PRKN: variants seen among roughly 807,000 people sequenced by gnomAD.
The protein encoded by PRKN is parkin RBR E3 ubiquitin protein ligase.
PRKN carries 56 observed loss-of-function variants against 59.5 expected under a neutral mutation model. That is an observed-to-expected ratio of 0.94 (90% CI 0.76 to 1.18). The LOEUF (loss-of-function observed/expected upper bound fraction) is 1.18. Among genes scored for constraint, PRKN ranks in the 50% most tolerant of loss-of-function variants. The pLI, the probability that PRKN is intolerant of heterozygous loss-of-function variation, is 0.00. For synonymous variants in PRKN, 250 were observed against 222.1 expected, an observed-to-expected ratio of 1.13 and a Z score of -1.12; for missense variants, 657 against 596.4, an observed-to-expected ratio of 1.10 and a Z score of -1.06.
rs1012220694 is a variant in PRKN, at chr6:161,371,173, T to A, written c.1168-10968A>T. On this transcript the variant is annotated intron_variant, in intron 10 of 11. Transcript: ENST00000366898. This position sits in a 1 kb window ranked among gnomAD's most constrained non-coding sequence, Gnocchi z 5.5. ...ATATATTTAAATGTATTTTGTTATT[T>A]TTTTTTTTGAGACGTTGTTTCGCTC... Among the ~76,000 whole-genome samples the A allele has an allele frequency of 2.6e-4, 38 of 147,560 alleles. No homozygotes were observed. Among genetic ancestry groups the A allele is most frequent in the African/African-American group, 1.0e-3 (37 of 37,160 alleles).
chr6:161,355,814 G>A lies in PRKN; in HGVS notation c.1285+4274C>T, dbSNP rs1408941025. Reference sequence around the variant, plus strand: ...CTCACCGGCTTATGTTCTAAAGAGCGACAGATGGGGAACATGTAAATGAAC... The same window carrying A: ...CTCACCGGCTTATGTTCTAAAGAGCAACAGATGGGGAACATGTAAATGAAC... On this transcript the variant is annotated intron_variant, in intron 11 of 11. Coordinates refer to ENST00000366898, the MANE Select transcript of PRKN (RefSeq NM_004562.3). This position sits in a 1 kb window ranked among gnomAD's most constrained non-coding sequence, Gnocchi z 6.8. Among the ~76,000 whole-genome samples, 2 of 152,198 alleles carry A rather than the reference G, an allele frequency of 1.3e-5. No homozygotes were observed. Among genetic ancestry groups the A allele is most frequent in the African/African-American group, 2.4e-5 (1 of 41,444 alleles).
chr6:161,953,526 G>C (rs763986188), intron 6 of PRKN, among the ~76,000 whole-genome samples: 10 of 152,178 alleles, frequency 6.6e-5, no homozygotes, highest in African/African-American at 2.4e-4. Context: ...AGGTTTACCG[G>C]GAAATCACAC....
chr6:162,564,616 T>G (rs934570956), intron 1 of PRKN, among the ~76,000 whole-genome samples: 1 of 151,632 alleles, frequency 6.6e-6, no homozygotes, highest in African/African-American at 2.4e-5. Flanking sequence ...AGGAAAGAAA[T>G]AAATAACATA....
chr6:161,474,606 T>A (rs1790972869), intron 9 of PRKN, among the ~76,000 whole-genome samples: 1 of 152,100 alleles, frequency 6.6e-6, no homozygotes, highest in Non-Finnish European at 1.5e-5. Flanking sequence ...ACTTTTTTTT[T>A]TTTTCGGCAA....
chr6:162,662,403 TGAG>T (rs1056304836), intron 1 of PRKN, among the ~76,000 whole-genome samples: 3 of 152,164 alleles, frequency 2.0e-5, no homozygotes, highest in Admixed American at 2.0e-4. Context: ...TTTCTTTTGC[TGAG>T]AAGAAGCTTT....
At chr6:162,510,727 G>T (rs986921234) in intron 1 of PRKN, among the ~76,000 whole-genome samples, 7 of 152,086 alleles carry the variant, frequency 4.6e-5, no homozygotes, top group African/African-American at 1.4e-4. Flanking sequence ...TTCAAGACCA[G>T]CCTGTCCAAC....
intron 4 of PRKN, among the ~76,000 whole-genome samples, chr6:162,129,299 GA>G (rs1244280652): frequency 6.6e-6 from 1 of 152,132 alleles, no homozygotes; most frequent in Non-Finnish European, 1.5e-5. Context: ...AAATATTAGA[GA>G]AAGTAACATG....
In PRKN at chr6:161,410,103, C is replaced by T. The variant is rs989095993; in HGVS notation, c.1084-23226G>A. ...CCCGTGCATCTGCTGGGTCAGCGGT[C>T]TGGCACTTTTTTTGAGTGTCTGCTG... On this transcript the variant is annotated intron_variant, in intron 9 of 11. Transcript: ENST00000366898. This position sits in a 1 kb window ranked among gnomAD's most constrained non-coding sequence, Gnocchi z 5.3. Among the ~76,000 whole-genome samples the T allele has an allele frequency of 6.6e-6, 1 of 152,126 alleles. No individual in the cohort carries two copies. Among genetic ancestry groups the T allele is most frequent in the Non-Finnish European group, 1.5e-5 (1 of 68,028 alleles).
intron 6 of PRKN, among the ~76,000 whole-genome samples, chr6:161,858,935 C>T (rs1462077784): frequency 8.6e-6 from 1 of 116,276 alleles, no homozygotes; most frequent in East Asian, 3.5e-4. Context: ...GATCTTGGCT[C>T]ACTGCAACCT....
rs1040778941 is a variant in PRKN at position 161,471,118 on chromosome 6, T to C, written c.1083+77736A>G. ...CCATGTGAACCCACACTTGTCTTCT[T>C]ATCCCAGGTCCTGCAAATGTTAGGA... On this transcript the variant is annotated intron_variant, in intron 9 of 11. Transcript: ENST00000366898. The surrounding 1 kb of genome is among the most constrained non-coding windows in gnomAD (Gnocchi z 4.5). 4.6e-5 allele frequency among the ~76,000 whole-genome samples: 7 copies of C among 152,202 alleles called. No homozygotes were observed. Among genetic ancestry groups the C allele is most frequent in the Non-Finnish European group, 1.0e-4 (7 of 68,038 alleles).
chr6:161,353,981 G>T lies in PRKN; in HGVS notation c.1286-3770C>A, dbSNP rs1042984717. On this transcript the variant is annotated intron_variant, in intron 11 of 11. Coordinates refer to ENST00000366898, the MANE Select transcript of PRKN (RefSeq NM_004562.3). The surrounding 1 kb of genome is among the most constrained non-coding windows in gnomAD (Gnocchi z 4.8). ...ACTGTTGTTATTGAATGAGAGAATA[G>T]AAGAAGCATGTTGTTTGTTCTACAC... 1.3e-5 allele frequency among the ~76,000 whole-genome samples: 2 copies of T among 152,196 alleles called. No individual in the cohort carries two copies. Among genetic ancestry groups the T allele is most frequent in the Non-Finnish European group, 2.9e-5 (2 of 68,028 alleles).
At chr6:162,467,982 G>A (rs1283956680) in intron 1 of PRKN, among the ~76,000 whole-genome samples, 1 of 152,152 alleles carries the variant, frequency 6.6e-6, no homozygotes, top group East Asian at 1.9e-4. Flanking sequence ...AATGCCAGCT[G>A]CACAGGTCTT....
intron 1 of PRKN, among the ~76,000 whole-genome samples, chr6:162,714,876 T>C (rs1778665142): frequency 6.6e-6 from 1 of 152,122 alleles, no homozygotes; most frequent in South Asian, 2.1e-4. Context: ...TCTCTACTTC[T>C]TCCAAAATTC....
At chr6:162,718,231 C>G (rs544748307) in intron 1 of PRKN, among the ~76,000 whole-genome samples, 42 of 152,228 alleles carry the variant, frequency 2.8e-4, no homozygotes, top group Non-Finnish European at 5.3e-4. Flanking sequence ...GGAACTTCAT[C>G]TCAAATAGCA....
chr6:161,784,851 C>A (rs1322511438), intron 7 of PRKN, among the ~76,000 whole-genome samples: 1 of 152,088 alleles, frequency 6.6e-6, no homozygotes, highest in Non-Finnish European at 1.5e-5. Context: ...AAGACGGAAA[C>A]AACACAAATG....
chr6:162,127,804 T>C (rs1307511734), intron 4 of PRKN, among the ~76,000 whole-genome samples: 2 of 152,232 alleles, frequency 1.3e-5, no homozygotes, highest in South Asian at 2.1e-4. Flanking sequence ...CCCATAATCC[T>C]TGAGAGGTAT....
At chr6:161,421,655 G>A (rs1345937305) in intron 9 of PRKN, among the ~76,000 whole-genome samples, 1 of 151,654 alleles carries the variant, frequency 6.6e-6, no homozygotes, top group African/African-American at 2.4e-5. Context: ...AACCCTGGCT[G>A]TTGTATATTA....
At chr6:162,193,063 A>G (rs1784350822) in intron 4 of PRKN, among the ~76,000 whole-genome samples, 1 of 152,204 alleles carries the variant, frequency 6.6e-6, no homozygotes, top group Non-Finnish European at 1.5e-5. Context: ...ATCATTACAG[A>G]GGGATCTCTA....
chr6:161,865,993 C>G (rs539528320), intron 6 of PRKN, among the ~76,000 whole-genome samples: 1 of 152,226 alleles, frequency 6.6e-6, no homozygotes, highest in South Asian at 2.1e-4. Flanking sequence ...TGCAATTTTC[C>G]TTTCACTTAA....
Sources: gnomAD v4.1 joint callset for allele counts (sites outside exome capture counted in the v4.1 genomes callset) on GRCh38, gnomAD v4.1.1 for gene constraint, Gnocchi (gnomAD v3.1) non-coding constraint, MANE v1.5 for transcripts, NCBI Gene and HGNC (gene_info 2026-07-23, HGNC 2026-07-21) for gene names.